The following TBL1XR1 variants were observed in gnomAD, a reference collection of about 807,000 sequenced individuals.
TBL1XR1 encodes the protein TBL1X/Y related 1, also known as F-box-like/WD repeat-containing protein TBL1XR1.
Under a neutral mutation model 66.9 loss-of-function variants are expected in TBL1XR1, and 5 were observed. The observed-to-expected ratio is 0.07, with a 90% CI of 0.04 to 0.16. TBL1XR1 has a LOEUF of 0.16. Ranked by LOEUF, TBL1XR1 falls within the 10% of genes least tolerant of loss-of-function variation. TBL1XR1 has a pLI of 1.00. For missense variants in TBL1XR1, 238 were observed against 623.2 expected, an observed-to-expected ratio of 0.38 and a Z score of 6.58; for synonymous variants, 210 against 206.0, an observed-to-expected ratio of 1.02 and a Z score of -0.17.
chr3:177,193,762 A>C (rs906123697), intron 1 of TBL1XR1, among the ~76,000 whole-genome samples: 21 of 152,196 alleles, frequency 1.4e-4, no homozygotes, highest in African/African-American at 4.8e-4. Flanking sequence ...TGGAAGGATG[A>C]TCTACACGGA....
intron 1 of TBL1XR1, among the ~76,000 whole-genome samples, chr3:177,123,216 G>T (rs1727197487): frequency 6.6e-6 from 1 of 151,996 alleles, no homozygotes; most frequent in Non-Finnish European, 1.5e-5. Flanking sequence ...AACTTCAAGA[G>T]AGAACTCATA....
chr3:177,176,710 G>C (rs1217596091), intron 1 of TBL1XR1, among the ~76,000 whole-genome samples: 2 of 152,024 alleles, frequency 1.3e-5, no homozygotes, highest in African/African-American at 4.8e-5. Context: ...ACCTATTCAG[G>C]AGGCTGAGGC....
intron 1 of TBL1XR1, among the ~76,000 whole-genome samples, chr3:177,194,682 T>A (rs1736598754): frequency 6.7e-6 from 1 of 149,912 alleles, no homozygotes; most frequent in African/African-American, 2.4e-5. Context: ...TCAGTACCCC[T>A]TATATTTATA....
chr3:177,105,028 G>A (rs1252714874), intron 1 of TBL1XR1, among the ~76,000 whole-genome samples: 1 of 152,162 alleles, frequency 6.6e-6, no homozygotes, highest in Non-Finnish European at 1.5e-5. Context: ...AGGCACTAAC[G>A]CCTATGCATC....
intron 1 of TBL1XR1, among the ~76,000 whole-genome samples, chr3:177,125,443 G>T (rs1727493727): frequency 6.6e-6 from 1 of 152,168 alleles, no homozygotes; most frequent in Non-Finnish European, 1.5e-5. Context: ...TTCACTGCTG[G>T]TGGAAATGCA....
intron 1 of TBL1XR1, among the ~76,000 whole-genome samples, chr3:177,151,201 C>T (rs1470165665): frequency 5.9e-5 from 9 of 152,248 alleles, no homozygotes; most frequent in East Asian, 1.9e-4. Flanking sequence ...TGACTGAGAG[C>T]CACACATTTT....
intron 1 of TBL1XR1, among the ~76,000 whole-genome samples, chr3:177,131,952 C>T (rs62296577): frequency 0.35 from 52,819 of 150,666 alleles, 9,791 homozygotes; most frequent in East Asian, 0.62. Context: ...TGATTGTTAA[C>T]CCCAGAAGGC....
intron 9 of TBL1XR1, 58 bp downstream of exon 9, chr3:177,047,242 C>G (rs1057310997): frequency 4.3e-6 from 6 of 1,401,074 alleles, no homozygotes; most frequent in Non-Finnish European, 5.8e-6. Context: ...AGACAAAATA[C>G]TGCTTTCAAT....
At chr3:177,042,731 T>C (rs941973221) in intron 10 of TBL1XR1, among the ~76,000 whole-genome samples, 2 of 152,140 alleles carry the variant, frequency 1.3e-5, no homozygotes, top group Non-Finnish European at 2.9e-5. Context: ...CATAAGAGGC[T>C]ATGAAAACTT....
chr3:177,139,520 G>A (rs866543873), intron 1 of TBL1XR1, among the ~76,000 whole-genome samples: 1 of 142,336 alleles, frequency 7.0e-6, no homozygotes. Context: ...GGGTGACAAA[G>A]CAAGACTCCA....
At chr3:177,124,640 A>G (rs528275955) in intron 1 of TBL1XR1, among the ~76,000 whole-genome samples, 1 of 152,230 alleles carries the variant, frequency 6.6e-6, no homozygotes, top group African/African-American at 2.4e-5. Context: ...ATCAATTTCA[A>G]AAACCTATTC....
At chr3:177,048,663 C>T (rs976525485) in intron 7 of TBL1XR1, among the ~76,000 whole-genome samples, 3 of 152,182 alleles carry the variant, frequency 2.0e-5, no homozygotes, top group Non-Finnish European at 4.4e-5. Flanking sequence ...TCATGAACTG[C>T]TCAACTAGGA....
At chr3:177,070,857 A>G (rs1053573396) in intron 2 of TBL1XR1, among the ~76,000 whole-genome samples, 4 of 151,352 alleles carry the variant, frequency 2.6e-5, no homozygotes, top group African/African-American at 9.7e-5. Context: ...AAAAAAAAAT[A>G]AATAAATAAA....
At chr3:177,200,357 A>C (rs1384867605), upstream of TBL1XR1, among the ~76,000 whole-genome samples, 1 of 152,236 alleles carries the variant, frequency 6.6e-6, no homozygotes, top group Non-Finnish European at 1.5e-5. Context: ...GGGGGTTTTA[A>C]ATCAGATCAT....
At chr3:177,155,043 G>A (rs1420985588) in intron 1 of TBL1XR1, among the ~76,000 whole-genome samples, 1 of 152,028 alleles carries the variant, frequency 6.6e-6, no homozygotes, top group Admixed American at 6.6e-5. Context: ...AAATCACAAT[G>A]AAAATTAAAA....
chr3:177,145,053 T>C (rs965911364), intron 1 of TBL1XR1, among the ~76,000 whole-genome samples: 1 of 152,216 alleles, frequency 6.6e-6, no homozygotes, highest in Non-Finnish European at 1.5e-5. Context: ...GCTGATTTTG[T>C]TGACTGTTTA....
At chr3:177,105,912 G>A (rs900796828) in intron 1 of TBL1XR1, among the ~76,000 whole-genome samples, 1 of 152,130 alleles carries the variant, frequency 6.6e-6, no homozygotes, top group Non-Finnish European at 1.5e-5. Context: ...TAAGGCAGGA[G>A]AGTCGCTTCT....
chr3:177,189,330 A>C (rs1735825859), intron 1 of TBL1XR1, among the ~76,000 whole-genome samples: 1 of 152,204 alleles, frequency 6.6e-6, no homozygotes, highest in African/African-American at 2.4e-5. Flanking sequence ...CAGCCTGGCC[A>C]ACAAGGTGAT....
intron 2 of TBL1XR1, among the ~76,000 whole-genome samples, chr3:177,071,395 A>G (rs1330619937): frequency 6.6e-6 from 1 of 152,160 alleles, no homozygotes; most frequent in African/African-American, 2.4e-5. Flanking sequence ...GAAACACTGT[A>G]TTAGAAGAAG....
Sources: gnomAD v4.1 joint callset for allele counts (sites outside exome capture counted in the v4.1 genomes callset) on GRCh38, gnomAD v4.1.1 for gene constraint, MANE v1.5 for transcripts, NCBI Gene and HGNC (gene_info 2026-07-23, HGNC 2026-07-21) for gene names.